The following ZNF276 variants were observed in gnomAD, a reference collection of about 807,000 sequenced individuals.
ZNF276 encodes the protein centromere protein Z.
ZNF276 carries 59 observed loss-of-function variants against 63.9 expected under a neutral mutation model. That is an observed-to-expected ratio of 0.92 (90% CI 0.75 to 1.15). ZNF276 has a LOEUF of 1.15. Among genes scored for constraint, ZNF276 ranks in the 50% most tolerant of loss-of-function variants. The pLI, the probability that ZNF276 is intolerant of heterozygous loss-of-function variation, is 0.00. For synonymous variants in ZNF276, 496 were observed against 348.4 expected (o/e 1.42, Z -4.72); for missense variants, 1,084 against 843.8 (o/e 1.28, Z -3.53).
rs760833128 is a variant in ZNF276, at chr16:89,733,565, C to A, written c.1356+8C>A. ...GGCGCTGACGGCATGAAGGTGAGCA[C>A]TGGCTGTGCCTGACCCAGGCCCGGC... On this transcript the variant is annotated splice_region_variant and intron_variant, in intron 8 of 10. Transcript: ENST00000443381. 1 of 1,613,518 alleles carries A rather than the reference C, an allele frequency of 6.2e-7. No homozygotes were observed. Among genetic ancestry groups the A allele is most frequent in the Non-Finnish European group, 8.5e-7 (1 of 1,180,010 alleles).
intron 6 of ZNF276, 68 bp from the exon 7 acceptor site, chr16:89,733,234 G>A (rs1046722396): frequency 7.1e-7 from 1 of 1,401,068 alleles, no homozygotes; most frequent in Admixed American, 1.8e-5. Flanking sequence ...TTCTCAGGTT[G>A]GAGAGACAAA....
chr16:89,727,508 C>T, intron 5 of ZNF276, 151 bp downstream of exon 5: 1 of 867,044 alleles, frequency 1.2e-6, no homozygotes, highest in South Asian at 1.7e-5. Flanking sequence ...TGCCCATGCG[C>T]TGGTACCAAA....
rs2151709922 is a variant in ZNF276, at chr16:89,738,691, C to T, written c.*445C>T. 1.2e-6 allele frequency: 2 copies of T among 1,613,934 alleles called. No homozygotes were observed. Among genetic ancestry groups the T allele is most frequent in the Non-Finnish European group, 1.7e-6 (2 of 1,179,992 alleles). On this transcript the variant is annotated 3_prime_UTR_variant, in exon 11 of 11. Coordinates refer to ENST00000443381, the MANE Select transcript of ZNF276 (RefSeq NM_001113525.2). ...CGGCGCTCACCTCTGGGTCGCAGTC[C>T]CCACGATCAGCCAGCAGCTGTGAGA...
At chr16:89,730,260 G>T (rs2061602709) in intron 6 of ZNF276, among the ~76,000 whole-genome samples, 1 of 152,172 alleles carries the variant, frequency 6.6e-6, no homozygotes, top group South Asian at 2.1e-4. Flanking sequence ...GGTGCCCGGG[G>T]GTCCCTACCC....
At position 89,723,241 on chromosome 16, in the gene ZNF276, C is replaced by T. The variant is rs1244534121; in HGVS notation, c.557-19C>T. On this transcript the variant is annotated intron_variant, in intron 3 of 10. Transcript: ENST00000443381. ...TGCCGACCAGCCGTGGATCTGACAT[C>T]TCTGTTGACTCTCTGCAGTGGATCT... The T allele has an allele frequency of 2.5e-6, 4 of 1,613,260 alleles. No individual in the cohort carries two copies. The highest frequency in any genetic ancestry group is 2.2e-5 in the East Asian group (1 of 44,872).
intron 4 of ZNF276, 64 bp from the exon 5 acceptor site, chr16:89,727,215 C>T (rs914810122): frequency 1.7e-5 from 26 of 1,511,196 alleles, no homozygotes; most frequent in South Asian, 3.4e-5. Flanking sequence ...AATCATGCCT[C>T]CTTGCAGGTG....
chr16:89,720,797 C>G, upstream of ZNF276: 1 of 1,461,034 alleles, frequency 6.8e-7, no homozygotes, highest in Non-Finnish European at 9.1e-7. Context: ...CTCGATGGCC[C>G]CGTTGGCAAG....
chr16:89,722,696 C>T lies in ZNF276; in HGVS notation c.371C>T (p.Ala124Val), dbSNP rs1056229199. 3 of 1,612,278 alleles carry T rather than the reference C, an allele frequency of 1.9e-6. No individual in the cohort carries two copies. The highest frequency in any genetic ancestry group is 2.7e-5 in the African/African-American group (2 of 74,960). ...VRDFQRLLGV[A>V]VRQDPTLSPF... Reference sequence around the variant, plus strand: ...GACTTCCAGCGCCTGCTTGGTGTGGCTGTCCGCCAGGACCCCACCTTGTCT... The same window carrying T: ...GACTTCCAGCGCCTGCTTGGTGTGGTTGTCCGCCAGGACCCCACCTTGTCT... The change falls in exon 2 of 11, where the codon GCT (alanine) becomes GTT (valine). Residue 124 changes from alanine to valine, a missense_variant. By Grantham distance (64) the Ala-to-Val change is moderately conservative (BLOSUM62 0). Coordinates refer to ENST00000443381, the MANE Select transcript of ZNF276 (RefSeq NM_001113525.2).
chr16:89,740,672 C>T lies in ZNF276; in HGVS notation c.*2426C>T. The stretch of plus-strand genomic sequence containing the variant: ...AAAAAAAACCCACGGCCTGGGAGTT[C>T]TCACTCACACTTCCGCAAACACAAG... On this transcript the variant is annotated 3_prime_UTR_variant, in exon 11 of 11. Transcript: ENST00000443381. 1 of 672,288 alleles carries T rather than the reference C, an allele frequency of 1.5e-6. No homozygotes were observed. Among genetic ancestry groups the T allele is most frequent in the Non-Finnish European group, 2.7e-6 (1 of 376,778 alleles). 41.6% of individuals were successfully genotyped at this position (672,288 alleles called of 1,614,324 possible).
intron 4 of ZNF276, among the ~76,000 whole-genome samples, chr16:89,724,787 G>T (rs926735174): frequency 1.3e-5 from 2 of 152,192 alleles, no homozygotes; most frequent in African/African-American, 4.8e-5. Flanking sequence ...TGTATGCAGT[G>T]TGTTGAGAAC....
chr16:89,729,170 G>A, intron 5 of ZNF276, 65 bp from the exon 6 acceptor site: 1 of 1,325,612 alleles, frequency 7.5e-7, no homozygotes, highest in Non-Finnish European at 1.1e-6. Flanking sequence ...TTAGGCAGGA[G>A]GTCGTGTTGG....
chr16:89,734,086 G>A (rs767141023), intron 9 of ZNF276, 48 bp downstream of exon 9: 10 of 1,569,184 alleles, frequency 6.4e-6, no homozygotes, highest in Admixed American at 5.0e-5. Context: ...CCAGGGGCAC[G>A]TGACCTGCTT....
upstream of ZNF276, chr16:89,720,656 C>A (rs930102337): frequency 1.6e-6 from 2 of 1,234,736 alleles, no homozygotes; most frequent in Non-Finnish European, 2.0e-6. Context: ...GGCTGGCGCC[C>A]GCTCCCAAGT....
At chr16:89,732,755 C>G (rs2061701752) in intron 6 of ZNF276, 1 of 202,536 alleles carries the variant, frequency 4.9e-6, no homozygotes, top group African/African-American at 2.5e-5. Context: ...GTACCATGCC[C>G]TCGCCCTCTG....
Position 89,723,170 on chromosome 16 carries a change from G to C in ZNF276, c.543G>C (p.Glu181Asp). The part of the protein sequence containing the change: ...VGAQPPTGAE[E>D]GACLVDLITS... The stretch of plus-strand genomic sequence containing the variant: ...CCCAGCCCCCAACAGGGGCAGAGGA[G>C]GGAGCGTGTCTGGGTGAGTCCTCCC... Residue 181 changes from glutamate (E) to aspartate (D), a missense_variant, in exon 3 of 11, where the codon GAG (glutamate) becomes GAC (aspartate). Coordinates refer to ENST00000443381, the MANE Select transcript of ZNF276 (RefSeq NM_001113525.2). The C allele has an allele frequency of 1.9e-6, 3 of 1,613,246 alleles. No individual in the cohort carries two copies. The highest frequency in any genetic ancestry group is 1.7e-6 in the Non-Finnish European group (2 of 1,180,038).
Position 89,738,524 on chromosome 16 carries a change from T to G in ZNF276, c.*278T>G. Reference sequence around the variant, plus strand: ...AGGAGATTTGTAATCCACTTTTTAGTGCAACAAGAGCTCCATGTTATGCTT... The same window carrying G: ...AGGAGATTTGTAATCCACTTTTTAGGGCAACAAGAGCTCCATGTTATGCTT... On this transcript the variant is annotated 3_prime_UTR_variant, in exon 11 of 11. Coordinates refer to ENST00000443381, the MANE Select transcript of ZNF276 (RefSeq NM_001113525.2). 1.9e-6 allele frequency: 3 copies of G among 1,599,428 alleles called. No homozygotes were observed. The highest frequency in any genetic ancestry group is 2.6e-6 in the Non-Finnish European group (3 of 1,169,442).
rs757575773 is a variant in ZNF276 at position 89,738,049 on chromosome 16, A to G, written c.1648A>G (p.Thr550Ala). 7.4e-6 allele frequency: 12 copies of G among 1,614,118 alleles called. No individual in the cohort carries two copies. The African/African-American group carries it at 1.2e-4, about 16-fold the overall frequency. Reference protein sequence around the residue: ...KYHMTKHKAETELDFACDQCG... With the variant: ...KYHMTKHKAEAELDFACDQCG... ...CCACATGACCAAACACAAGGCTGAG[A>G]CTGAGCTGGACTTTGCCTGTGACCA... The change falls in exon 11 of 11, where the codon ACT becomes GCT. Residue 550 changes from threonine to alanine, a missense_variant. Thr to Ala is a moderately conservative substitution (Grantham distance 58, BLOSUM62 0). Coordinates refer to ENST00000443381, the MANE Select transcript of ZNF276 (RefSeq NM_001113525.2).
chr16:89,739,495 C>A lies in ZNF276; in HGVS notation c.*1249C>A. On this transcript the variant is annotated 3_prime_UTR_variant, in exon 11 of 11. Transcript: ENST00000443381. ...GGAGGTACCTGTAAAAAGCGAAAGGCAGCAGCCTGGTGTGCTGATCCGGGG... is the reference window on the plus strand; with the variant it reads ...GGAGGTACCTGTAAAAAGCGAAAGGAAGCAGCCTGGTGTGCTGATCCGGGG... 6.4e-7 allele frequency: 1 copy of A among 1,551,256 alleles called. No individual in the cohort carries two copies.
chr16:89,721,188 C>T (rs539102683), upstream of ZNF276: 3 of 236,424 alleles, frequency 1.3e-5, no homozygotes, highest in East Asian at 1.7e-4. Context: ...GAGACCCCGG[C>T]CCCCCTCCCC....
Sources: gnomAD v4.1 joint callset for allele counts (sites outside exome capture counted in the v4.1 genomes callset) on GRCh38, gnomAD v4.1.1 for gene constraint, MANE v1.5 for transcripts, NCBI Gene and HGNC (gene_info 2026-07-23, HGNC 2026-07-21) for gene names.